The following ANKH variants were observed in gnomAD, a reference collection of about 807,000 sequenced individuals.
The protein encoded by ANKH is ANKH inorganic pyrophosphate transport regulator.
In ANKH, 15 loss-of-function variants were observed where a neutral mutation model predicts 49.0. That is an observed-to-expected ratio of 0.31 (90% CI 0.20 to 0.47). The LOEUF (loss-of-function observed/expected upper bound fraction) is 0.47, where lower values mean the gene tolerates loss of function less well. Among genes scored for constraint, ANKH ranks in the 20% least tolerant of loss-of-function variants. The pLI, the probability that ANKH is intolerant of heterozygous loss-of-function variation, is 1.00. For missense variants in ANKH, 429 were observed against 652.0 expected (o/e 0.66, Z 3.72); for synonymous variants, 273 against 260.0 (o/e 1.05, Z -0.48).
intron 1 of ANKH, among the ~76,000 whole-genome samples, chr5:14,844,116 T>C (rs1446456607): frequency 6.6e-6 from 1 of 152,206 alleles, no homozygotes; most frequent in East Asian, 1.9e-4. Flanking sequence ...TGAGTGGCAG[T>C]GATTTGTTTC....
intron 2 of ANKH, chr5:14,768,596 C>T: frequency 3.4e-6 from 1 of 292,846 alleles, no homozygotes; most frequent in Non-Finnish European, 6.6e-6. Flanking sequence ...TGCTAATAAG[C>T]ATTAATTCTA....
chr5:14,718,211 C>G (rs528328955), intron 8 of ANKH, among the ~76,000 whole-genome samples: 1 of 152,136 alleles, frequency 6.6e-6, no homozygotes, highest in South Asian at 2.1e-4. Context: ...AGCTTCCAAC[C>G]AACTACTAGT....
intron 1 of ANKH, among the ~76,000 whole-genome samples, chr5:14,777,847 A>G (rs1015541597): frequency 2.0e-5 from 3 of 152,210 alleles, no homozygotes; most frequent in East Asian, 1.9e-4. Flanking sequence ...GGTTCAGTAC[A>G]TAAGTTGGGC....
Position 14,798,415 on chromosome 5 carries a change from C to G in ANKH, c.97-29224G>C, listed in dbSNP as rs1740458336. 3.9e-6 allele frequency: 6 copies of G among 1,550,840 alleles called. No homozygotes were observed. The South Asian group carries it at 7.0e-5, about 18-fold the overall frequency. The stretch of plus-strand genomic sequence containing the variant: ...TTGTCGGCCATGGCGGGCAGGCGAG[C>G]CGGGGGAATCCTGGGGTCGAGCGTT... On this transcript the variant is annotated intron_variant, in intron 1 of 11. Coordinates refer to ENST00000284268, the MANE Select transcript of ANKH (RefSeq NM_054027.6).
chr5:14,760,850 A>G (rs984262750), intron 2 of ANKH, among the ~76,000 whole-genome samples: 1 of 152,218 alleles, frequency 6.6e-6, no homozygotes, highest in African/African-American at 2.4e-5. Context: ...AATTGGTGAA[A>G]GGGCAGTGTT....
At position 14,707,296 on chromosome 5, in the gene ANKH, GAAAAA is replaced by G. The variant is rs34717032; in HGVS notation, c.*3896_*3900del. 1.3e-5 allele frequency: 2 copies of G among 149,610 alleles called. No homozygotes were observed. The highest frequency in any genetic ancestry group is 3.0e-5 in the Non-Finnish European group (2 of 67,458). The allele number at this position is 149,610 out of a possible 1,614,324, so 9.3% of individuals were successfully genotyped here. A position where few individuals can be genotyped will look rare whatever the true frequency, so the allele number is the denominator to read the frequency against. On this transcript the variant is annotated 3_prime_UTR_variant, in exon 12 of 12. Transcript: ENST00000284268. ...ACACTCGCACTTCAGTTTGAAGGGG[GAAAAA>G]AAAAAACCAGTCAGCTACTGAGTCT... is the stretch of plus-strand genomic sequence containing the variant.
chr5:14,758,711 A>G (rs1738981522), intron 2 of ANKH, 113 bp from the exon 3 acceptor site: 1 of 854,540 alleles, frequency 1.2e-6, no homozygotes, highest in Non-Finnish European at 2.0e-6. Context: ...TCGTCATAGA[A>G]AAATTAGATA....
At position 14,749,085 on chromosome 5, in the gene ANKH, C is replaced by T. The variant is rs539104114; in HGVS notation, c.822+87G>A. 5.7e-6 allele frequency: 9 copies of T among 1,572,004 alleles called. No individual in the cohort carries two copies. In the East Asian group the frequency reaches 1.3e-4, roughly 24 times the overall value. The stretch of plus-strand genomic sequence containing the variant: ...ATTTAATATTGGGGAATTACTTGAG[C>T]TCTCGAGAAGAACTGGAAATCAGTT... On this transcript the variant is annotated intron_variant, in intron 6 of 11. Coordinates refer to ENST00000284268, the MANE Select transcript of ANKH (RefSeq NM_054027.6).
intron 1 of ANKH, among the ~76,000 whole-genome samples, chr5:14,783,332 C>CGT (rs1491340267): frequency 1.7e-5 from 2 of 120,644 alleles, no homozygotes; most frequent in Admixed American, 8.2e-5. Flanking sequence ...ACACACACAC[C>CGT]ACACATGGAG....
chr5:14,832,378 C>G (rs1741530720), intron 1 of ANKH, among the ~76,000 whole-genome samples: 1 of 152,108 alleles, frequency 6.6e-6, no homozygotes, highest in African/African-American at 2.4e-5. Flanking sequence ...CCCAAAATAG[C>G]TGCAGTGAGG....
At chr5:14,841,983 C>A (rs989704632) in intron 1 of ANKH, among the ~76,000 whole-genome samples, 1 of 152,020 alleles carries the variant, frequency 6.6e-6, no homozygotes, top group Non-Finnish European at 1.5e-5. Flanking sequence ...GGGAGTTAGT[C>A]TTAAGAAAAA....
At position 14,741,928 on chromosome 5, in the gene ANKH, G is replaced by A. The variant is rs1396983430; in HGVS notation, c.916-6C>T. On this transcript the variant is annotated splice_region_variant and splice_polypyrimidine_tract_variant and intron_variant, in intron 7 of 11. Coordinates refer to ENST00000284268, the MANE Select transcript of ANKH (RefSeq NM_054027.6). ...AGTTTGTTGCTGGGGTTATTCTGGG[G>A]AAAGAAAACCACAGTCATGAATGGG... 6.2e-7 allele frequency: 1 copy of A among 1,612,790 alleles called. No homozygotes were observed. Among genetic ancestry groups the A allele is most frequent in the African/African-American group, 1.3e-5 (1 of 74,878 alleles).
intron 1 of ANKH, chr5:14,868,937 T>C (rs750563835): frequency 6.6e-6 from 1 of 152,150 alleles, no homozygotes; most frequent in Non-Finnish European, 1.5e-5. Flanking sequence ...TGAGGCTGCA[T>C]TGGCCTTTGT....
At chr5:14,718,123 G>A (rs766300855) in intron 8 of ANKH, among the ~76,000 whole-genome samples, 5 of 152,178 alleles carry the variant, frequency 3.3e-5, no homozygotes, top group Non-Finnish European at 7.3e-5. Flanking sequence ...GAAAATTAGA[G>A]TCTCCCAATG....
At chr5:14,797,092 G>A (rs1322340687) in intron 1 of ANKH, 73 of 1,354,948 alleles carry the variant, frequency 5.4e-5, no homozygotes, top group South Asian at 7.0e-5. Context: ...GAAAAAAGGG[G>A]AGTCTAAAAT....
intron 2 of ANKH, among the ~76,000 whole-genome samples, chr5:14,762,334 G>C (rs1385721696): frequency 6.6e-6 from 1 of 152,236 alleles, no homozygotes; most frequent in East Asian, 1.9e-4. Flanking sequence ...TTCTCCTGGG[G>C]ATGAGCCCAG....
chr5:14,746,501 C>T (rs1445726685), intron 6 of ANKH, among the ~76,000 whole-genome samples: 3 of 152,138 alleles, frequency 2.0e-5, no homozygotes, highest in African/African-American at 4.8e-5. Flanking sequence ...GCTGATCCAT[C>T]AAGTGCAGGA....
chr5:14,724,834 C>T (rs751939156), intron 8 of ANKH, among the ~76,000 whole-genome samples: 12 of 152,200 alleles, frequency 7.9e-5, no homozygotes, highest in South Asian at 2.1e-4. Flanking sequence ...TATGAGGGCA[C>T]TGCCAAGTGC....
At position 14,871,524 on chromosome 5, in the gene ANKH, CGACG is replaced by C; in HGVS notation, c.-81_-78del. On this transcript the variant is annotated 5_prime_UTR_variant, in exon 1 of 12. Transcript: ENST00000284268. Reference sequence around the variant, plus strand: ...TGCGGGGAGGCGAGGGGCGACGGGGCGACGGGGCGAGCGGGGCGCGGGCCGACAG... The same window carrying C: ...TGCGGGGAGGCGAGGGGCGACGGGGCGGGCGAGCGGGGCGCGGGCCGACAG... The C allele has an allele frequency of 8.9e-7, 1 of 1,121,412 alleles. No homozygotes were observed. The highest frequency in any genetic ancestry group is 1.2e-6 in the Non-Finnish European group (1 of 806,144). The allele number at this position is 1,121,412 out of a possible 1,614,324, so 69.5% of individuals were successfully genotyped here. A position where few individuals can be genotyped will look rare whatever the true frequency, so the allele number is the denominator to read the frequency against.
Sources: gnomAD v4.1 joint callset for allele counts (sites outside exome capture counted in the v4.1 genomes callset) on GRCh38, gnomAD v4.1.1 for gene constraint, MANE v1.5 for transcripts, NCBI Gene and HGNC (gene_info 2026-07-23, HGNC 2026-07-21) for gene names.